The following DROSHA variants were observed in gnomAD, a reference collection of about 807,000 sequenced individuals.
DROSHA encodes the protein ribonuclease 3.
DROSHA carries 56 observed loss-of-function variants against 181.9 expected under a neutral mutation model. The ratio of observed to expected loss-of-function variants is 0.31; its 90% CI spans 0.25 to 0.38. The LOEUF is 0.38. Among genes scored for constraint, DROSHA ranks in the 10% least tolerant of loss-of-function variants. The pLI is 1.00. For missense variants in DROSHA, 1,218 were observed against 1,743.5 expected (o/e 0.70, Z 5.37); for synonymous variants, 524 against 591.2 (o/e 0.89, Z 1.65).
chr5:31,480,468 G>A (rs1750910431), intron 16 of DROSHA, among the ~76,000 whole-genome samples: 2 of 152,012 alleles, frequency 1.3e-5, no homozygotes, highest in South Asian at 4.2e-4. Flanking sequence ...CTGGAAAGGG[G>A]TCCGAAGGGG....
chr5:31,446,500 A>T (rs1048267063), intron 23 of DROSHA, among the ~76,000 whole-genome samples: 1 of 151,494 alleles, frequency 6.6e-6, no homozygotes, highest in Admixed American at 6.6e-5. Flanking sequence ...AAAGAATAAC[A>T]TACTTCAGAA....
chr5:31,523,242 C>G (rs1182228803), intron 5 of DROSHA, among the ~76,000 whole-genome samples: 1 of 152,182 alleles, frequency 6.6e-6, no homozygotes, highest in Non-Finnish European at 1.5e-5. Flanking sequence ...TGTAGCTATG[C>G]CACTAGGCAG....
intron 4 of DROSHA, among the ~76,000 whole-genome samples, 169 bp downstream of exon 4, chr5:31,528,871 C>T (rs188234131): frequency 4.3e-4 from 66 of 152,276 alleles, no homozygotes; most frequent in Non-Finnish European, 7.6e-4. Context: ...GTCTGGCTTC[C>T]CAGCCCTGGG....
At chr5:31,422,038 G>C (rs973230663) in intron 29 of DROSHA, among the ~76,000 whole-genome samples, 6 of 145,332 alleles carry the variant, frequency 4.1e-5, no homozygotes, top group African/African-American at 1.6e-4. Flanking sequence ...GCTGCAGTGA[G>C]CCGTAATCAT....
chr5:31,474,818 G>A (rs1750174922), intron 16 of DROSHA, among the ~76,000 whole-genome samples: 1 of 152,140 alleles, frequency 6.6e-6, no homozygotes, highest in African/African-American at 2.4e-5. Flanking sequence ...CACCAGGTGA[G>A]GATATAAGAA....
intron 9 of DROSHA, 22 bp downstream of exon 9, chr5:31,511,013 C>A (rs1554045351): frequency 6.2e-7 from 1 of 1,613,302 alleles, no homozygotes; most frequent in South Asian, 1.1e-5. Flanking sequence ...GGGTCTCAGG[C>A]TAGTTAGTGA....
chr5:31,433,255 C>T (rs1037307905), intron 25 of DROSHA, among the ~76,000 whole-genome samples: 3 of 152,140 alleles, frequency 2.0e-5, no homozygotes, highest in African/African-American at 7.2e-5. Flanking sequence ...ATAAAATATA[C>T]TCAAATGAGT....
Position 31,475,494 on chromosome 5 carries a change from A to T in DROSHA, c.2072-3262T>A, listed in dbSNP as rs116297120. Among the ~76,000 whole-genome samples the T allele has an allele frequency of 7.0e-3, 1,063 of 152,280 alleles. 12 individuals are homozygous for T. Among genetic ancestry groups the T allele is most frequent in the African/African-American group, 0.024 (1,004 of 41,556 alleles). ...TAAGGGGACTGAGGTGAACAGGTGG[A>T]TGAGAAAATTCTAATGCCAGAATAC... On this transcript the variant is annotated intron_variant, in intron 16 of 35. Transcript: ENST00000344624.
intron 10 of DROSHA, among the ~76,000 whole-genome samples, chr5:31,505,519 A>G (rs1047529107): frequency 6.6e-6 from 1 of 152,192 alleles, no homozygotes; most frequent in Non-Finnish European, 1.5e-5. Flanking sequence ...TGTGGGGGAA[A>G]AGACCAAAAG....
intron 23 of DROSHA, among the ~76,000 whole-genome samples, chr5:31,442,656 T>A (rs1264978640): frequency 1.3e-5 from 2 of 152,056 alleles, no homozygotes; most frequent in East Asian, 3.9e-4. Context: ...AGGAAAGCCA[T>A]CTTGGGATAG....
intron 23 of DROSHA, among the ~76,000 whole-genome samples, chr5:31,446,200 A>G (rs1746228203): frequency 6.6e-6 from 1 of 152,076 alleles, no homozygotes; most frequent in African/African-American, 2.4e-5. Flanking sequence ...TAATCCCAGC[A>G]CTTTGGGAGG....
chr5:31,408,611 G>C (rs1439543981), intron 33 of DROSHA: 1 of 159,358 alleles, frequency 6.3e-6, no homozygotes, highest in Non-Finnish European at 1.4e-5. Flanking sequence ...CCAAGTTGAA[G>C]CCAATAGGGG....
intron 20 of DROSHA, among the ~76,000 whole-genome samples, chr5:31,462,701 T>C (rs12697256): frequency 0.026 from 3,832 of 150,192 alleles, 161 homozygotes; most frequent in African/African-American, 0.089. Context: ...TTCAGTGGCC[T>C]TAGGGACTGC....
At position 31,409,780 on chromosome 5, in the gene DROSHA, A is replaced by G. The variant is rs1741074842; in HGVS notation, c.3668-448T>C. Among the ~76,000 whole-genome samples, 1 of 152,186 alleles carries G rather than the reference A, an allele frequency of 6.6e-6. No homozygotes were observed. The highest frequency in any genetic ancestry group is 1.5e-5 in the Non-Finnish European group (1 of 68,032). The stretch of plus-strand genomic sequence containing the variant: ...ATTCTATGTTAAATTTAATGAACAG[A>G]AATGGGGTAATTTATAGATTCAATC... On this transcript the variant is annotated intron_variant, in intron 31 of 35. Coordinates refer to ENST00000344624, the MANE Select transcript of DROSHA (RefSeq NM_001382508.1). This position sits in a 1 kb window ranked among gnomAD's most constrained non-coding sequence, Gnocchi z 4.0.
At position 31,526,124 on chromosome 5, in the gene DROSHA, T is replaced by A. The variant is rs757031683; in HGVS notation, c.809A>T (p.Asp270Val). ...RQDSRYRSDY[D>V]RGRTPSRHRS... ...GTGGCGAGATGGTGTTCTCCCTCGG[T>A]CATAATCAGATCTGTACCGGCTGTC... The change falls in exon 5 of 36, where the codon GAC becomes GTC. Residue 270 changes from aspartate to valine, a missense_variant. By Grantham distance (152) the Asp-to-Val change is radical (BLOSUM62 -3). Transcript: ENST00000344624. 3 of 1,610,768 alleles carry A rather than the reference T, an allele frequency of 1.9e-6. No homozygotes were observed. The highest frequency in any genetic ancestry group is 2.5e-6 in the Non-Finnish European group (3 of 1,177,414).
At chr5:31,491,419 A>T (rs1752394494) in intron 13 of DROSHA, among the ~76,000 whole-genome samples, 1 of 152,252 alleles carries the variant, frequency 6.6e-6, no homozygotes, top group African/African-American at 2.4e-5. Flanking sequence ...TCACAGAGCT[A>T]TCACTAATTT....
intron 26 of DROSHA, among the ~76,000 whole-genome samples, chr5:31,430,870 T>C (rs1290716825): frequency 6.6e-6 from 1 of 152,192 alleles, no homozygotes; most frequent in Non-Finnish European, 1.5e-5. Flanking sequence ...CAAAGCCCTT[T>C]GAAAGCTAAA....
chr5:31,505,139 A>G (rs4314411), intron 10 of DROSHA, among the ~76,000 whole-genome samples: 143,534 of 152,150 alleles, frequency 0.94, 68,071 homozygotes, highest in East Asian at 1. Flanking sequence ...GTTAGATTAC[A>G]TCTCTTTCTC....
chr5:31,453,367 A>C (rs1747257975), intron 20 of DROSHA, among the ~76,000 whole-genome samples: 1 of 152,074 alleles, frequency 6.6e-6, no homozygotes, highest in Admixed American at 6.5e-5. Flanking sequence ...CACTCTGCTA[A>C]TATCTGTGTT....
Sources: gnomAD v4.1 joint callset for allele counts (sites outside exome capture counted in the v4.1 genomes callset) on GRCh38, gnomAD v4.1.1 for gene constraint, Gnocchi (gnomAD v3.1) non-coding constraint, MANE v1.5 for transcripts, NCBI Gene and HGNC (gene_info 2026-07-23, HGNC 2026-07-21) for gene names.